YAP1: variants seen among roughly 807,000 people sequenced by gnomAD.
YAP1 encodes the protein Yes1 associated transcriptional regulator.
Under a neutral mutation model 56.9 loss-of-function variants are expected in YAP1, and 5 were observed. The observed-to-expected ratio is 0.09, with a 90% CI of 0.05 to 0.18. YAP1 has a LOEUF of 0.18. Ranked by LOEUF, YAP1 falls within the 10% of genes least tolerant of loss-of-function variation. The pLI, the probability that YAP1 is intolerant of heterozygous loss-of-function variation, is 1.00. For missense variants in YAP1, 539 were observed against 651.8 expected, an observed-to-expected ratio of 0.83 and a Z score of 1.88; for synonymous variants, 265 against 248.1, an observed-to-expected ratio of 1.07 and a Z score of -0.64.
intron 4 of YAP1, among the ~76,000 whole-genome samples, chr11:102,196,887 A>G (rs745751802): frequency 1.3e-5 from 2 of 152,146 alleles, no homozygotes; most frequent in Non-Finnish European, 2.9e-5. Flanking sequence ...TCTTTTGTAA[A>G]AGATAGCTTT....
chr11:102,182,910 A>G (rs192061075), intron 3 of YAP1, among the ~76,000 whole-genome samples: 18 of 152,314 alleles, frequency 1.2e-4, no homozygotes, highest in South Asian at 6.2e-4. Flanking sequence ...GTTAATTGCA[A>G]ATAATATAGG....
intron 2 of YAP1, among the ~76,000 whole-genome samples, chr11:102,143,551 A>G (rs927063149): frequency 2.0e-5 from 3 of 152,150 alleles, no homozygotes; most frequent in Admixed American, 6.6e-5. Context: ...CCCAACCCTC[A>G]AGTTTCCTTG....
intron 1 of YAP1, among the ~76,000 whole-genome samples, chr11:102,111,856 A>G (rs924316758): frequency 1.6e-5 from 2 of 128,676 alleles, no homozygotes; most frequent in Non-Finnish European, 1.7e-5. Context: ...GTAAGCATTT[A>G]TTTTCCTCGC....
chr11:102,114,485 TA>T (rs1196458162), intron 2 of YAP1, 91 bp downstream of exon 2: 3 of 1,412,798 alleles, frequency 2.1e-6, no homozygotes, highest in Non-Finnish European at 2.8e-6. Context: ...GAATATCATT[TA>T]TTTTTATGTT....
At chr11:102,205,858 T>G (rs777721216) in intron 4 of YAP1, 35 bp from the exon 5 acceptor site, 25 of 1,471,442 alleles carry the variant, frequency 1.7e-5, no homozygotes, top group Non-Finnish European at 1.9e-5. Flanking sequence ...TTCACTAGTT[T>G]TTTAGGACAG....
rs1950464880 is a variant in YAP1 at position 102,232,433 on chromosome 11, T to C, written c.*2493T>C. 6.6e-6 allele frequency: 1 copy of C among 152,226 alleles called. No individual in the cohort carries two copies. The highest frequency in any genetic ancestry group is 2.4e-5 in the African/African-American group (1 of 41,456). The allele number at this position is 152,226 out of a possible 1,614,324, so 9.4% of individuals were successfully genotyped here. A position where few individuals can be genotyped will look rare whatever the true frequency, so the allele number is the denominator to read the frequency against. ...GTACACCCACAAAACAATATGAATATGGAGATCTTCCTTTACCCCTCAACT... is the reference window on the plus strand; with the variant it reads ...GTACACCCACAAAACAATATGAATACGGAGATCTTCCTTTACCCCTCAACT... On this transcript the variant is annotated 3_prime_UTR_variant, in exon 9 of 9. Coordinates refer to ENST00000282441, the MANE Select transcript of YAP1 (RefSeq NM_001130145.3).
intron 6 of YAP1, 40 bp from the exon 7 acceptor site, chr11:102,223,582 A>C: frequency 6.2e-7 from 1 of 1,602,794 alleles, no homozygotes; most frequent in Non-Finnish European, 8.5e-7. Flanking sequence ...TAAATGTGTT[A>C]ATCAGTAGAT....
chr11:102,220,253 G>C (rs1949859829), intron 6 of YAP1, among the ~76,000 whole-genome samples: 1 of 152,058 alleles, frequency 6.6e-6, no homozygotes, highest in Admixed American at 6.5e-5. Flanking sequence ...ATAGGGGCTT[G>C]AGATAGTATG....
At chr11:102,119,314 A>G (rs935875420) in intron 2 of YAP1, among the ~76,000 whole-genome samples, 5 of 152,122 alleles carry the variant, frequency 3.3e-5, no homozygotes, top group Admixed American at 2.6e-4. Context: ...AGATTAACAT[A>G]TTCCCTGGGA....
chr11:102,127,023 C>G (rs1170441900), intron 2 of YAP1, among the ~76,000 whole-genome samples: 1 of 152,148 alleles, frequency 6.6e-6, no homozygotes, highest in Non-Finnish European at 1.5e-5. Flanking sequence ...AAAGAAATTT[C>G]TAAGCAGCAA....
chr11:102,192,370 C>A (rs1195314703), intron 4 of YAP1, among the ~76,000 whole-genome samples: 1 of 152,150 alleles, frequency 6.6e-6, no homozygotes, highest in Non-Finnish European at 1.5e-5. Flanking sequence ...GTACATTATC[C>A]TGTGAGAAAA....
At chr11:102,196,322 C>A (rs1358898479) in intron 4 of YAP1, among the ~76,000 whole-genome samples, 1 of 152,058 alleles carries the variant, frequency 6.6e-6, no homozygotes, top group African/African-American at 2.4e-5. Context: ...CCCAAATGTC[C>A]ATTAGTTGAT....
At chr11:102,220,348 G>T (rs777525917) in intron 6 of YAP1, among the ~76,000 whole-genome samples, 1 of 152,138 alleles carries the variant, frequency 6.6e-6, no homozygotes, top group Non-Finnish European at 1.5e-5. Context: ...AGTGGTACTA[G>T]GGTCCATCCA....
chr11:102,211,945 C>T (rs10895273), intron 6 of YAP1, among the ~76,000 whole-genome samples: 44,579 of 152,038 alleles, frequency 0.29, 6,847 homozygotes, highest in East Asian at 0.36. Flanking sequence ...CCTCATGATT[C>T]GCCTGCCTCG....
intron 4 of YAP1, among the ~76,000 whole-genome samples, chr11:102,201,432 A>G (rs988596023): frequency 6.6e-6 from 1 of 152,224 alleles, no homozygotes; most frequent in African/African-American, 2.4e-5. Context: ...CGGGTGGGAA[A>G]TAAAGCAAAT....
chr11:102,149,650 T>C (rs1003519051), intron 2 of YAP1, among the ~76,000 whole-genome samples: 1 of 152,246 alleles, frequency 6.6e-6, no homozygotes, highest in African/African-American at 2.4e-5. Flanking sequence ...AAATGGTATG[T>C]AAATAACTTA....
chr11:102,206,151 C>T, intron 5 of YAP1, 77 bp downstream of exon 5: 1 of 1,515,318 alleles, frequency 6.6e-7, no homozygotes, highest in Non-Finnish European at 9.0e-7. Context: ...TTCATTTTAA[C>T]ATTTATTAGT....
At chr11:102,183,739 T>TGTGTGTGTGTGTGTG (rs1565241068) in intron 3 of YAP1, among the ~76,000 whole-genome samples, 14 of 150,642 alleles carry the variant, frequency 9.3e-5, no homozygotes, top group South Asian at 2.1e-4. Flanking sequence ...TGTGTGTGTG[T>TGTGTGTGTGTGTGTG]TTAAACCACA....
intron 6 of YAP1, among the ~76,000 whole-genome samples, chr11:102,222,325 A>G (rs1949973761): frequency 6.6e-6 from 1 of 152,222 alleles, no homozygotes; most frequent in African/African-American, 2.4e-5. Flanking sequence ...CTGATGGTCT[A>G]GTAGAGATGA....
Sources: gnomAD v4.1 joint callset for allele counts (sites outside exome capture counted in the v4.1 genomes callset) on GRCh38, gnomAD v4.1.1 for gene constraint, MANE v1.5 for transcripts, NCBI Gene and HGNC (gene_info 2026-07-23, HGNC 2026-07-21) for gene names.